Variants in TRIM51G observed in about 807,000 individuals in gnomAD.
TRIM51G encodes the protein tripartite motif-containing 51G, also known as tripartite motif-containing protein 51G.
the TRIM51G span, among the ~76,000 whole-genome samples, chr11:48,982,071 G>A: frequency 6.6e-6 from 1 of 152,074 alleles, no homozygotes; most frequent in East Asian, 1.9e-4. Flanking sequence ...TGTGGGAGAG[G>A]TGTAGAAAAC....
chr11:48,979,686 T>C, the TRIM51G span, among the ~76,000 whole-genome samples: 2 of 151,928 alleles, frequency 1.3e-5, no homozygotes, highest in African/African-American at 2.4e-5. Context: ...TTTTCATGTA[T>C]ATATACATAT....
chr11:48,981,845 A>C, the TRIM51G span: 2 of 918,222 alleles, frequency 2.2e-6, no homozygotes, highest in Non-Finnish European at 3.4e-6. Context: ...AAAATGAAAA[A>C]TTCATACACA....
the TRIM51G span, chr11:48,980,991 A>T: frequency 1.8e-6 from 1 of 560,208 alleles, no homozygotes; most frequent in African/African-American, 1.9e-5. Context: ...CATTTTTCTT[A>T]GGAGCTCCTC....
chr11:48,979,019 G>A, the TRIM51G span: 2 of 1,190,994 alleles, frequency 1.7e-6, no homozygotes, highest in Non-Finnish European at 2.5e-6. Context: ...GCCTCTCCAA[G>A]TGACGTTGCT....
chr11:48,982,474 T>A, the TRIM51G span, among the ~76,000 whole-genome samples: 1 of 152,034 alleles, frequency 6.6e-6, no homozygotes, highest in Non-Finnish European at 1.5e-5. Context: ...TGTGAAGGTG[T>A]TTGCAGAGAG....
At chr11:48,980,007 C>T in the TRIM51G span, among the ~76,000 whole-genome samples, 167 of 152,034 alleles carry the variant, frequency 1.1e-3, 2 homozygotes, top group African/African-American at 3.8e-3. Context: ...ACTCTGTGCT[C>T]CTTTTCTAAC....
chr11:48,982,744 T>A, the TRIM51G span, among the ~76,000 whole-genome samples: 2 of 150,170 alleles, frequency 1.3e-5, no homozygotes, highest in South Asian at 2.1e-4. Flanking sequence ...TACAGTGTCA[T>A]GTGTAGAGTG....
the TRIM51G span, chr11:48,981,822 T>A: frequency 9.7e-7 from 1 of 1,029,098 alleles, no homozygotes; most frequent in Non-Finnish European, 1.5e-6. Context: ...AACAAACTAT[T>A]TCCTCTGTAA....
the TRIM51G span, chr11:48,981,282 T>C: frequency 6.2e-7 from 1 of 1,604,568 alleles, no homozygotes; most frequent in Non-Finnish European, 8.5e-7. Flanking sequence ...AGGCATCACT[T>C]ACCCGGCGTT....
chr11:48,981,393 C>G, the TRIM51G span: 1 of 1,607,712 alleles, frequency 6.2e-7, no homozygotes, highest in Non-Finnish European at 8.5e-7. Context: ...CACAGAACAT[C>G]TCCTTTGTCT....
chr11:48,977,206 C>T, the TRIM51G span: 1 of 1,063,224 alleles, frequency 9.4e-7, no homozygotes, highest in Non-Finnish European at 1.5e-6. Context: ...GATAGAGTTA[C>T]CATATCAACA....
the TRIM51G span, chr11:48,975,998 C>T: frequency 1.6e-6 from 1 of 619,970 alleles, no homozygotes; most frequent in Non-Finnish European, 3.0e-6. Context: ...GTAAGATAAA[C>T]TGCAAAAATA....
At chr11:48,981,623 G>C in the TRIM51G span, 1 of 1,599,382 alleles carries the variant, frequency 6.3e-7, no homozygotes, top group African/African-American at 1.3e-5. Context: ...ATGGTGACTG[G>C]GTCTATGAAG....
At chr11:48,981,056 A>T in the TRIM51G span, 1 of 714,710 alleles carries the variant, frequency 1.4e-6, no homozygotes, top group South Asian at 1.5e-5. Flanking sequence ...TATCATTCAC[A>T]CTCTGATATA....
At chr11:48,980,071 A>T in the TRIM51G span, among the ~76,000 whole-genome samples, 1 of 151,820 alleles carries the variant, frequency 6.6e-6, no homozygotes, top group African/African-American at 2.4e-5. Flanking sequence ...CATCATATAC[A>T]TCACATATCT....
At chr11:48,975,599 C>G in the TRIM51G span, 2 of 1,384,228 alleles carry the variant, frequency 1.4e-6, no homozygotes, top group Non-Finnish European at 2.1e-6. Flanking sequence ...ACAAAGCTCA[C>G]GGTCCTACCT....
chr11:48,978,889 C>G, the TRIM51G span: 1 of 1,484,792 alleles, frequency 6.7e-7, no homozygotes, highest in Admixed American at 1.7e-5. Flanking sequence ...AGCTCCACAA[C>G]TGCTTTATGG....
At chr11:48,979,001 C>G in the TRIM51G span, 1 of 1,360,218 alleles carries the variant, frequency 7.4e-7, no homozygotes, top group Non-Finnish European at 1.1e-6. Flanking sequence ...CCTCGCCCTC[C>G]TTTTGCAGCC....
chr11:48,977,230 A>G, the TRIM51G span: 27 of 814,384 alleles, frequency 3.3e-5, no homozygotes, highest in East Asian at 7.7e-5. Context: ...AAAAAAATAC[A>G]TAAGAATCAC....
Sources: gnomAD v4.1 joint callset for allele counts (sites outside exome capture counted in the v4.1 genomes callset) on GRCh38, gnomAD v4.1.1 for gene constraint, MANE v1.5 for transcripts, NCBI Gene and HGNC (gene_info 2026-07-23, HGNC 2026-07-21) for gene names.